The following TMEM132B variants were observed in gnomAD, a reference collection of about 807,000 sequenced individuals.
The protein encoded by TMEM132B is transmembrane protein 132B.
Under a neutral mutation model 90.8 loss-of-function variants are expected in TMEM132B, and 18 were observed. The ratio of observed to expected loss-of-function variants is 0.20; its 90% CI spans 0.14 to 0.29. The LOEUF (loss-of-function observed/expected upper bound fraction) is 0.29. Ranked by LOEUF, TMEM132B falls within the 10% of genes least tolerant of loss-of-function variation. The probability of loss-of-function intolerance (pLI) is 1.00; values close to 1 mark genes in which losing one functional copy is unlikely to be tolerated. For missense variants in TMEM132B, 1,096 were observed against 1,326.8 expected (o/e 0.83, Z 2.70); for synonymous variants, 504 against 523.3 (o/e 0.96, Z 0.50).
intron 5 of TMEM132B, among the ~76,000 whole-genome samples, chr12:125,643,073 G>A (rs1886670846): frequency 6.6e-6 from 1 of 152,172 alleles, no homozygotes; most frequent in Admixed American, 6.5e-5. Flanking sequence ...AGGCAGTTGG[G>A]CACGTGTGTC....
chr12:125,574,806 A>G (rs964799496), intron 4 of TMEM132B, among the ~76,000 whole-genome samples: 2 of 151,746 alleles, frequency 1.3e-5, no homozygotes, highest in East Asian at 3.9e-4. Flanking sequence ...ATCTTTCACA[A>G]AACACTGAAT....
chr12:125,198,863 T>G (rs1015922517), intron 1 of TMEM132B, among the ~76,000 whole-genome samples: 1 of 152,182 alleles, frequency 6.6e-6, no homozygotes, highest in Admixed American at 6.5e-5. Flanking sequence ...AGGCTGCCCT[T>G]TGAGCTGCTT....
intron 2 of TMEM132B, among the ~76,000 whole-genome samples, chr12:125,351,124 G>T (rs893565651): frequency 6.6e-6 from 1 of 152,146 alleles, no homozygotes; most frequent in African/African-American, 2.4e-5. Context: ...ATAGACCAGG[G>T]GTCAGAAAGC....
intron 1 of TMEM132B, among the ~76,000 whole-genome samples, chr12:125,323,894 A>T (rs1049146576): frequency 6.6e-6 from 1 of 152,210 alleles, no homozygotes; most frequent in Non-Finnish European, 1.5e-5. Context: ...GCTCGTGTAT[A>T]TAAAGGCATC....
intron 4 of TMEM132B, among the ~76,000 whole-genome samples, chr12:125,527,918 C>G (rs761111141): frequency 2.6e-5 from 4 of 152,170 alleles, no homozygotes; most frequent in African/African-American, 9.7e-5. Context: ...GAAGTTGAAA[C>G]TATTAGGCCT....
At chr12:125,306,810 C>A (rs1875982212) in intron 1 of TMEM132B, among the ~76,000 whole-genome samples, 1 of 152,240 alleles carries the variant, frequency 6.6e-6, no homozygotes, top group African/African-American at 2.4e-5. Flanking sequence ...CCAGTGATGT[C>A]CATCTCATTC....
intron 1 of TMEM132B, among the ~76,000 whole-genome samples, chr12:125,250,411 C>A (rs1175365463): frequency 1.3e-5 from 2 of 152,224 alleles, no homozygotes; most frequent in African/African-American, 4.8e-5. Context: ...TTCTTTGACG[C>A]CCTCGTGTCT....
intron 1 of TMEM132B, among the ~76,000 whole-genome samples, chr12:125,245,157 G>A (rs572889145): frequency 3.3e-5 from 5 of 152,202 alleles, no homozygotes; most frequent in Admixed American, 2.6e-4. Context: ...GTTTCCTCTC[G>A]TTTTATTGGT....
At position 125,594,011 on chromosome 12, in the gene TMEM132B, T is replaced by A. The variant is rs368764383; in HGVS notation, c.1437+10017T>A. Among the ~76,000 whole-genome samples, 28 of 152,278 alleles carry A rather than the reference T, an allele frequency of 1.8e-4. No homozygotes were observed. In the South Asian group the frequency reaches 4.4e-3, roughly 24 times the overall value. On this transcript the variant is annotated intron_variant, in intron 5 of 8. Coordinates refer to ENST00000682704, the MANE Select transcript of TMEM132B (RefSeq NM_001366854.1). ...CACCAAAATCAAAATAGTGAACATA[T>A]CCTTAACTTCTGAACTTTCTTCATG...
At chr12:125,477,491 A>G (rs1348868253) in intron 3 of TMEM132B, among the ~76,000 whole-genome samples, 2 of 151,476 alleles carry the variant, frequency 1.3e-5, no homozygotes, top group East Asian at 4.0e-4. Flanking sequence ...TGCTTTCTCA[A>G]AGAAAAAATT....
chr12:125,267,159 C>G (rs757525473), intron 1 of TMEM132B, among the ~76,000 whole-genome samples: 1 of 152,216 alleles, frequency 6.6e-6, no homozygotes, highest in Non-Finnish European at 1.5e-5. Context: ...TTAACCATCC[C>G]CATGTAGGAG....
At chr12:125,598,784 A>G (rs10773180) in intron 5 of TMEM132B, among the ~76,000 whole-genome samples, 26,934 of 152,078 alleles carry the variant, frequency 0.18, 2,608 homozygotes, top group Non-Finnish European at 0.21. Flanking sequence ...TGTGTTAATC[A>G]TGACTCCTGG....
chr12:125,593,591 A>G (rs1480723846), intron 5 of TMEM132B, among the ~76,000 whole-genome samples: 1 of 152,108 alleles, frequency 6.6e-6, no homozygotes, highest in Non-Finnish European at 1.5e-5. Flanking sequence ...GCCTGATCCA[A>G]TATGGCTCTA....
intron 3 of TMEM132B, among the ~76,000 whole-genome samples, chr12:125,418,007 G>A (rs895304527): frequency 1.3e-4 from 20 of 152,152 alleles, no homozygotes; most frequent in Non-Finnish European, 2.4e-4. Flanking sequence ...TGGAGTGGGC[G>A]CCACCCCAGT....
intron 1 of TMEM132B, among the ~76,000 whole-genome samples, chr12:125,318,167 AC>A (rs1390139933): frequency 7.1e-6 from 1 of 140,046 alleles, no homozygotes; most frequent in Non-Finnish European, 1.5e-5. Flanking sequence ...ATATGTAGGC[AC>A]TATATACTAC....
chr12:125,632,743 T>A (rs1886395703), intron 5 of TMEM132B, among the ~76,000 whole-genome samples: 1 of 152,152 alleles, frequency 6.6e-6, no homozygotes, highest in Non-Finnish European at 1.5e-5. Context: ...TTAAGGTTTT[T>A]ACTGAAAATT....
chr12:125,493,907 CCCT>C (rs1882426817), intron 3 of TMEM132B, among the ~76,000 whole-genome samples: 1 of 131,688 alleles, frequency 7.6e-6, no homozygotes, highest in Non-Finnish European at 1.6e-5. Flanking sequence ...ATGGCCATGT[CCCT>C]CCTCCTCCTC....
intron 4 of TMEM132B, among the ~76,000 whole-genome samples, chr12:125,570,865 G>C (rs1884774075): frequency 6.6e-6 from 1 of 152,126 alleles, no homozygotes; most frequent in African/African-American, 2.4e-5. Context: ...CTGTGCTAGG[G>C]ATCAAAGAGT....
intron 3 of TMEM132B, among the ~76,000 whole-genome samples, chr12:125,455,406 AT>A (rs1442146519): frequency 1.3e-5 from 2 of 152,314 alleles, no homozygotes; most frequent in East Asian, 3.9e-4. Flanking sequence ...AGTAAATCAG[AT>A]TTGAAATTCT....
Sources: allele counts gnomAD v4.1 joint callset (sites outside exome capture counted in the v4.1 genomes callset), GRCh38; gene constraint gnomAD v4.1.1; transcripts MANE v1.5; gene names NCBI Gene and HGNC (gene_info 2026-07-23, HGNC 2026-07-21).